Variants in SLC9A9 observed in about 807,000 individuals in gnomAD.
The protein encoded by SLC9A9 is solute carrier family 9 member A9.
SLC9A9 carries 62 observed loss-of-function variants against 77.8 expected under a neutral mutation model. The observed-to-expected ratio is 0.80, with a 90% CI of 0.65 to 0.98. SLC9A9 has a LOEUF of 0.98. Ranked by LOEUF, SLC9A9 falls within the 50% of genes least tolerant of loss-of-function variation. SLC9A9 has a pLI of 0.00. For missense variants in SLC9A9, 775 were observed against 774.9 expected (o/e 1.00, Z 0.00); for synonymous variants, 320 against 283.5 (o/e 1.13, Z -1.29).
At chr3:143,269,984 G>A (rs1175469563) in intron 14 of SLC9A9, among the ~76,000 whole-genome samples, 1 of 152,212 alleles carries the variant, frequency 6.6e-6, no homozygotes, top group East Asian at 1.9e-4. Context: ...GGCATAGAGG[G>A]AAGATGCAGC....
chr3:143,448,343 G>C (rs577625306), intron 12 of SLC9A9, among the ~76,000 whole-genome samples: 1 of 152,230 alleles, frequency 6.6e-6, no homozygotes, highest in East Asian at 1.9e-4. Context: ...GGCGAATACT[G>C]AGTCTGGAAA....
At chr3:143,756,489 T>C (rs1360827792) in intron 4 of SLC9A9, among the ~76,000 whole-genome samples, 1 of 152,206 alleles carries the variant, frequency 6.6e-6, no homozygotes, top group Non-Finnish European at 1.5e-5. Context: ...ATTTCCCTTA[T>C]AATCTTTGTC....
At chr3:143,660,665 G>A (rs548400491) in intron 5 of SLC9A9, among the ~76,000 whole-genome samples, 3 of 152,286 alleles carry the variant, frequency 2.0e-5, no homozygotes, top group Admixed American at 6.5e-5. Context: ...AATACACTCT[G>A]CTCCCCTCTT....
chr3:143,402,452 T>G (rs1366835783), intron 12 of SLC9A9, among the ~76,000 whole-genome samples: 1 of 150,980 alleles, frequency 6.6e-6, no homozygotes, highest in Non-Finnish European at 1.5e-5. Context: ...TTTGTGTTTT[T>G]TTTTTTTTTT....
At chr3:143,677,340 G>A (rs1443387492) in intron 5 of SLC9A9, among the ~76,000 whole-genome samples, 2 of 152,098 alleles carry the variant, frequency 1.3e-5, no homozygotes, top group Non-Finnish European at 2.9e-5. Flanking sequence ...TACTTTAATA[G>A]TCAACAATGC....
At chr3:143,693,481 A>G (rs1306021146) in intron 4 of SLC9A9, among the ~76,000 whole-genome samples, 174 bp from the exon 5 acceptor site, 4 of 152,184 alleles carry the variant, frequency 2.6e-5, no homozygotes, top group Non-Finnish European at 5.9e-5. Flanking sequence ...CTTGGCTATG[A>G]AAGACAATTT....
rs376887123 is a variant in SLC9A9, at chr3:143,445,940, G to C, written c.1469+21097C>G. On this transcript the variant is annotated intron_variant, in intron 12 of 15. Coordinates refer to ENST00000316549, the MANE Select transcript of SLC9A9 (RefSeq NM_173653.4). ...CTAACAAGAACAGCTTTGGTAGAAT[G>C]ATGGGGCTACAGACTGCTCAGAGTA... is the stretch of plus-strand genomic sequence containing the variant. 1.5e-3 allele frequency among the ~76,000 whole-genome samples: 228 copies of C among 152,248 alleles called. 1 individual carries two copies. Among genetic ancestry groups the C allele is most frequent in the African/African-American group, 5.2e-3 (217 of 41,546 alleles).
chr3:143,473,340 A>G (rs2035411385), intron 11 of SLC9A9, among the ~76,000 whole-genome samples: 3 of 152,148 alleles, frequency 2.0e-5, no homozygotes, highest in Admixed American at 2.0e-4. Flanking sequence ...GTAGCTTCCC[A>G]CAGCCCAGAG....
chr3:143,668,787 G>T (rs1206083159), intron 5 of SLC9A9, among the ~76,000 whole-genome samples: 1 of 152,152 alleles, frequency 6.6e-6, no homozygotes, highest in African/African-American at 2.4e-5. Flanking sequence ...TTCTGCCCTC[G>T]TAATCAGGAA....
At chr3:143,716,137 C>T (rs1934341864) in intron 4 of SLC9A9, among the ~76,000 whole-genome samples, 1 of 152,162 alleles carries the variant, frequency 6.6e-6, no homozygotes, top group Non-Finnish European at 1.5e-5. Flanking sequence ...TGCAGTGGCA[C>T]CACCATGGCT....
chr3:143,517,919 G>T, intron 9 of SLC9A9: 1 of 1,503,188 alleles, frequency 6.7e-7, no homozygotes, highest in South Asian at 1.1e-5. Context: ...CGTTATCTCC[G>T]CATTTTCATC....
intron 13 of SLC9A9, chr3:143,381,325 T>C (rs1045152360): frequency 4.6e-5 from 7 of 152,522 alleles, no homozygotes; most frequent in African/African-American, 1.4e-4. Context: ...CTAGATCTGA[T>C]GGTTTTAAAA....
intron 6 of SLC9A9, among the ~76,000 whole-genome samples, chr3:143,582,656 A>G (rs1161460388): frequency 6.6e-6 from 1 of 152,126 alleles, no homozygotes; most frequent in African/African-American, 2.4e-5. Context: ...TGGGGCTAAA[A>G]TGTTCTCATG....
At chr3:143,391,639 G>A (rs183668645) in intron 12 of SLC9A9, among the ~76,000 whole-genome samples, 3 of 152,224 alleles carry the variant, frequency 2.0e-5, no homozygotes, top group East Asian at 3.9e-4. Flanking sequence ...GGCTTCAAAC[G>A]ATCAAACTTC....
chr3:143,334,681 T>C (rs1389504187), intron 14 of SLC9A9, among the ~76,000 whole-genome samples: 2 of 152,346 alleles, frequency 1.3e-5, no homozygotes, highest in South Asian at 4.1e-4. Context: ...AATAATATTC[T>C]GATTATAAAG....
intron 2 of SLC9A9, among the ~76,000 whole-genome samples, chr3:143,830,339 C>T (rs2009403343): frequency 6.6e-6 from 1 of 152,168 alleles, no homozygotes; most frequent in South Asian, 2.1e-4. Context: ...GTCAAGTAAA[C>T]ATTTTATGTA....
intron 6 of SLC9A9, among the ~76,000 whole-genome samples, chr3:143,614,154 A>C (rs1241890243): frequency 6.6e-6 from 1 of 152,126 alleles, no homozygotes; most frequent in Non-Finnish European, 1.5e-5. Context: ...GGGAGACTTC[A>C]CCAAGGCAGG....
chr3:143,385,829 G>T (rs139780340), intron 12 of SLC9A9, among the ~76,000 whole-genome samples: 17 of 152,200 alleles, frequency 1.1e-4, no homozygotes, highest in African/African-American at 3.9e-4. Context: ...CACCCTTTCT[G>T]CTCACCTGAT....
intron 4 of SLC9A9, among the ~76,000 whole-genome samples, chr3:143,743,037 T>C (rs1935111090): frequency 6.6e-6 from 1 of 152,156 alleles, no homozygotes; most frequent in South Asian, 2.1e-4. Flanking sequence ...TGTGCCAATT[T>C]ATGCCAGTTT....
Sources: gnomAD v4.1 joint callset for allele counts (sites outside exome capture counted in the v4.1 genomes callset) on GRCh38, gnomAD v4.1.1 for gene constraint, MANE v1.5 for transcripts, NCBI Gene and HGNC (gene_info 2026-07-23, HGNC 2026-07-21) for gene names.